The following SAMHD1 variants were observed in gnomAD, a reference collection of about 807,000 sequenced individuals.
The protein encoded by SAMHD1 is deoxynucleoside triphosphate triphosphohydrolase SAMHD1.
In SAMHD1, 54 loss-of-function variants were observed where a neutral mutation model predicts 79.6. The ratio of observed to expected loss-of-function variants is 0.68; its 90% CI spans 0.55 to 0.85. The LOEUF (loss-of-function observed/expected upper bound fraction) is 0.85. Among genes scored for constraint, SAMHD1 ranks in the 40% least tolerant of loss-of-function variants. SAMHD1 has a pLI of 0.00. For missense variants in SAMHD1, 663 were observed against 782.7 expected (o/e 0.85, Z 1.82); for synonymous variants, 260 against 264.1 (o/e 0.98, Z 0.15).
chr20:36,946,792 G>T lies in SAMHD1; in HGVS notation c.221C>A (p.Thr74Lys), dbSNP rs1330743018. The T allele has an allele frequency of 6.2e-7, 1 of 1,612,182 alleles. No individual in the cohort carries two copies. The highest frequency in any genetic ancestry group is 1.3e-5 in the African/African-American group (1 of 74,914). Residue 74 changes from threonine to lysine, a missense_variant, in exon 2 of 16, where the codon ACA becomes AAA. By Grantham distance (78) the Thr-to-Lys change is moderately conservative. Transcript: ENST00000646673. ...LLKNIRENEI[T>K]GALLPCLDES... ...ATCAAGACAAGGCAGTAATGCGCCTGTGATTTCATTTTCTATGGAAGAAAA... is the reference window on the plus strand; with the variant it reads ...ATCAAGACAAGGCAGTAATGCGCCTTTGATTTCATTTTCTATGGAAGAAAA...
chr20:36,944,203 C>T (rs1404093322), intron 2 of SAMHD1, among the ~76,000 whole-genome samples: 7 of 151,414 alleles, frequency 4.6e-5, no homozygotes, highest in African/African-American at 1.7e-4. Flanking sequence ...AAAAATTAAC[C>T]GGGCATGGTG....
intron 6 of SAMHD1, among the ~76,000 whole-genome samples, chr20:36,926,426 G>A (rs2063536841): frequency 6.6e-6 from 1 of 152,154 alleles, no homozygotes; most frequent in Non-Finnish European, 1.5e-5. Flanking sequence ...GGGTGAGGGG[G>A]AGTGAGAATT....
intron 10 of SAMHD1, chr20:36,911,887 T>C (rs2063442804): frequency 5.7e-6 from 1 of 174,688 alleles, no homozygotes; most frequent in Admixed American, 5.5e-5. Flanking sequence ...AAGAAGTAAC[T>C]TGACTCACAC....
At chr20:36,901,106 T>C (rs1401356892) in intron 13 of SAMHD1, among the ~76,000 whole-genome samples, 1 of 152,042 alleles carries the variant, frequency 6.6e-6, no homozygotes, top group Non-Finnish European at 1.5e-5. Flanking sequence ...TCTGGTGCCT[T>C]AGAAAGGTAA....
chr20:36,898,344 A>G, intron 14 of SAMHD1, 96 bp downstream of exon 14: 1 of 936,100 alleles, frequency 1.1e-6, no homozygotes, highest in Non-Finnish European at 1.7e-6. Flanking sequence ...AATTGTAAAG[A>G]TATGCCTTAA....
intron 4 of SAMHD1, among the ~76,000 whole-genome samples, chr20:36,931,995 G>T (rs2063570688): frequency 6.6e-6 from 1 of 151,780 alleles, no homozygotes; most frequent in African/African-American, 2.4e-5. Flanking sequence ...ACAAAAAAAA[G>T]AGGGCCGGGT....
intron 11 of SAMHD1, among the ~76,000 whole-genome samples, chr20:36,906,386 C>T (rs1224558888): frequency 2.0e-5 from 3 of 152,142 alleles, no homozygotes; most frequent in Admixed American, 1.3e-4. Flanking sequence ...TGCAGTGAGC[C>T]GAGATGGCGC....
intron 6 of SAMHD1, among the ~76,000 whole-genome samples, chr20:36,922,861 C>T (rs1490968453): frequency 6.6e-6 from 1 of 151,966 alleles, no homozygotes; most frequent in Admixed American, 6.6e-5. Context: ...GTTGTCCAGG[C>T]TGGTCTTGAA....
intron 13 of SAMHD1, among the ~76,000 whole-genome samples, chr20:36,903,556 C>T (rs1231816589): frequency 5.0e-5 from 6 of 119,418 alleles, no homozygotes; most frequent in Non-Finnish European, 5.2e-5. Context: ...TTTTCTTTTT[C>T]TTTTTTTTTT....
chr20:36,902,869 C>G (rs1276529818), intron 13 of SAMHD1, among the ~76,000 whole-genome samples: 4 of 151,708 alleles, frequency 2.6e-5, no homozygotes, highest in African/African-American at 9.7e-5. Flanking sequence ...TCCCAAGTAA[C>G]TGGGATTATA....
At chr20:36,937,262 T>C (rs1372527721) in intron 3 of SAMHD1, among the ~76,000 whole-genome samples, 1 of 152,100 alleles carries the variant, frequency 6.6e-6, no homozygotes, top group African/African-American at 2.4e-5. Flanking sequence ...GAACTAAATT[T>C]AGCATAAAGA....
At chr20:36,903,948 A>G (rs916609623) in intron 13 of SAMHD1, 1 of 526,670 alleles carries the variant, frequency 1.9e-6, no homozygotes, top group African/African-American at 1.9e-5. Context: ...AGACAATGTA[A>G]TCACATGACC....
Position 36,892,933 on chromosome 20 carries a change from C to G in SAMHD1, c.1880G>C (p.Ter627SerextTer17). The change falls in exon 16 of 16, where the codon TGA becomes TCA. Residue 627 changes from the stop codon to serine, a stop_lost. Coordinates refer to ENST00000646673, the MANE Select transcript of SAMHD1 (RefSeq NM_015474.4). ...RVQLFKDDPM[*>S] ...TTGTAAACAACTGACTACAGACATT[C>G]ACATTGGGTCATCTTTAAAAAGCTG... 6.2e-7 allele frequency: 1 copy of G among 1,613,896 alleles called. No homozygotes were observed. Among genetic ancestry groups the G allele is most frequent in the Non-Finnish European group, 8.5e-7 (1 of 1,180,024 alleles).
rs530159962 is a variant in SAMHD1 at position 36,914,109 on chromosome 20, T to C, written c.1063-1557A>G. 2.1e-3 allele frequency among the ~76,000 whole-genome samples: 317 copies of C among 152,114 alleles called. 1 individual carries two copies. Among genetic ancestry groups the C allele is most frequent in the Non-Finnish European group, 3.6e-3 (242 of 67,994 alleles). On this transcript the variant is annotated intron_variant, in intron 9 of 15. Transcript: ENST00000646673. ...CTACTTTTTGATTACATGACTGCCATCTAACAGGGACCTAGTGATTTCAGC... is the reference window on the plus strand; with the variant it reads ...CTACTTTTTGATTACATGACTGCCACCTAACAGGGACCTAGTGATTTCAGC...
chr20:36,892,887 G>A lies in SAMHD1; in HGVS notation c.*45C>T, dbSNP rs115645414. 1,368 of 1,611,640 alleles carry A rather than the reference G, an allele frequency of 8.5e-4. 7 individuals are homozygous for A. The African/African-American group carries it at 0.013, about 15-fold the overall frequency. On this transcript the variant is annotated 3_prime_UTR_variant, in exon 16 of 16. Transcript: ENST00000646673. ...AATTCTATGATTGAAGCCTCTAAAT[G>A]AATTGTGCAGGAGAGGGAGTTTGTA...
Position 36,930,880 on chromosome 20 carries a change from A to G in SAMHD1, c.510-5T>C. On this transcript the variant is annotated splice_polypyrimidine_tract_variant and splice_region_variant and intron_variant, in intron 4 of 15. Coordinates refer to ENST00000646673, the MANE Select transcript of SAMHD1 (RefSeq NM_015474.4). The stretch of plus-strand genomic sequence containing the variant: ...CATCCTGCTAGATACCCCACCCTGC[A>G]GAGCAAAAACACAAAAAGTCACTTT... 6.2e-7 allele frequency: 1 copy of G among 1,602,326 alleles called. No homozygotes were observed. The highest frequency in any genetic ancestry group is 8.6e-7 in the Non-Finnish European group (1 of 1,169,440).
intron 2 of SAMHD1, among the ~76,000 whole-genome samples, chr20:36,944,447 C>G (rs1157329229): frequency 6.6e-6 from 1 of 152,106 alleles, no homozygotes; most frequent in Non-Finnish European, 1.5e-5. Context: ...TTATCAATTA[C>G]TAAGCAACAG....
intron 14 of SAMHD1, 110 bp downstream of exon 14, chr20:36,898,330 C>T: frequency 2.3e-6 from 2 of 860,006 alleles, no homozygotes; most frequent in South Asian, 2.8e-5. Flanking sequence ...GCCAGGCCCA[C>T]TTTAATTGTA....
Position 36,905,462 on chromosome 20 carries a change from A to T in SAMHD1, c.1312T>A (p.Leu438Met). ...TTTAAAATCTCTCGTGCGTCTTTCAATTTGGGATCAGTAGAGTATAAAATC... is the reference window on the plus strand; with the variant it reads ...TTTAAAATCTCTCGTGCGTCTTTCATTTTGGGATCAGTAGAGTATAAAATC... ...LEILYSTDPK[L>M]KDAREILKQI... is the part of the protein sequence containing the mutation. The change falls in exon 12 of 16, where the codon TTG becomes ATG. Residue 438 changes from leucine to methionine, a missense_variant. Physicochemically the swap from Leu to Met is conservative, Grantham distance 15. Transcript: ENST00000646673. 6.2e-7 allele frequency: 1 copy of T among 1,613,172 alleles called. No individual in the cohort carries two copies. The highest frequency in any genetic ancestry group is 8.5e-7 in the Non-Finnish European group (1 of 1,179,158).
Sources: allele counts gnomAD v4.1 joint callset (sites outside exome capture counted in the v4.1 genomes callset), GRCh38; gene constraint gnomAD v4.1.1; transcripts MANE v1.5; gene names NCBI Gene and HGNC (gene_info 2026-07-23, HGNC 2026-07-21).